The following DOCK4 variants were observed in gnomAD, a reference collection of about 807,000 sequenced individuals.
DOCK4 encodes dedicator of cytokinesis protein 4.
In DOCK4, 97 loss-of-function variants were observed where a neutral mutation model predicts 268.1. The ratio of observed to expected loss-of-function variants is 0.36; its 90% CI spans 0.31 to 0.43. The LOEUF (loss-of-function observed/expected upper bound fraction) is 0.43. Ranked by LOEUF, DOCK4 falls within the 20% of genes least tolerant of loss-of-function variation. The pLI, the probability that DOCK4 is intolerant of heterozygous loss-of-function variation, is 1.00. For missense variants in DOCK4, 2,145 were observed against 2,455.7 expected, an observed-to-expected ratio of 0.87 and a Z score of 2.67; for synonymous variants, 954 against 887.2, an observed-to-expected ratio of 1.08 and a Z score of -1.34.
At chr7:112,064,447 A>C (rs1207507984) in intron 1 of DOCK4, among the ~76,000 whole-genome samples, 3 of 152,168 alleles carry the variant, frequency 2.0e-5, no homozygotes, top group Non-Finnish European at 2.9e-5. Context: ...GGAGCAAAAA[A>C]TTTATAAGCC....
At chr7:111,898,702 T>C (rs936462251) in intron 15 of DOCK4, among the ~76,000 whole-genome samples, 4 of 152,216 alleles carry the variant, frequency 2.6e-5, no homozygotes, top group Non-Finnish European at 5.9e-5. Flanking sequence ...AATGATTGCA[T>C]TGGTTATTCA....
intron 8 of DOCK4, among the ~76,000 whole-genome samples, chr7:111,974,875 G>C (rs1477668019): frequency 6.6e-6 from 1 of 152,196 alleles, no homozygotes; most frequent in Non-Finnish European, 1.5e-5. Flanking sequence ...TTTATAATGA[G>C]ATGATATTTA....
chr7:111,845,473 G>C (rs1418375594), intron 24 of DOCK4, among the ~76,000 whole-genome samples: 1 of 152,152 alleles, frequency 6.6e-6, no homozygotes, highest in African/African-American at 2.4e-5. Context: ...CTGCTTTCCT[G>C]ATGCAAAGTT....
intron 25 of DOCK4, among the ~76,000 whole-genome samples, chr7:111,844,290 A>C (rs1198101490): frequency 1.3e-5 from 2 of 152,178 alleles, no homozygotes; most frequent in Non-Finnish European, 2.9e-5. Flanking sequence ...AAAGAAAAAA[A>C]ACTTTGCCAA....
intron 32 of DOCK4, among the ~76,000 whole-genome samples, chr7:111,785,163 T>G (rs371639497): frequency 6.6e-6 from 1 of 152,208 alleles, no homozygotes; most frequent in East Asian, 1.9e-4. Flanking sequence ...CTAAACTGTT[T>G]CTTAGGTTAA....
intron 1 of DOCK4, among the ~76,000 whole-genome samples, chr7:112,130,142 G>T (rs546966034): frequency 6.6e-6 from 1 of 152,160 alleles, no homozygotes; most frequent in African/African-American, 2.4e-5. Flanking sequence ...TGGCAAACCT[G>T]GAAGGAAAGA....
chr7:112,097,785 G>A (rs1248751976), intron 1 of DOCK4, among the ~76,000 whole-genome samples: 1 of 152,194 alleles, frequency 6.6e-6, no homozygotes, highest in Non-Finnish European at 1.5e-5. Flanking sequence ...ACCCTGAGAT[G>A]CAGGAGATAA....
chr7:111,869,735 A>C (rs962341543), intron 20 of DOCK4, 80 bp from the exon 21 acceptor site: 3 of 1,176,884 alleles, frequency 2.5e-6, no homozygotes, highest in Non-Finnish European at 1.2e-6. Context: ...ACTCTTAACT[A>C]TATCATGAGG....
rs1806253136 is a variant in DOCK4, at chr7:111,869,637, G to A, written c.2046C>T (p.Leu682=). Reference sequence around the variant, plus strand: ...CTGTGATCCGGTCCACGTACCATTTGAGCACTTTGATGAGATCTCTAAAAT... The same window carrying A: ...CTGTGATCCGGTCCACGTACCATTTAAGCACTTTGATGAGATCTCTAAAAT... The part of the protein sequence containing the change: ...ALAYRDLIKV[L]KWYVDRITEA... The change falls in exon 21 of 53, where the codon CTC becomes CTT. Residue 682 remains leucine, a synonymous_variant. Transcript: ENST00000428084. 1 of 1,613,302 alleles carries A rather than the reference G, an allele frequency of 6.2e-7. No homozygotes were observed. The highest frequency in any genetic ancestry group is 8.5e-7 in the Non-Finnish European group (1 of 1,179,386).
chr7:111,883,512 T>A (rs938972186), intron 16 of DOCK4, among the ~76,000 whole-genome samples: 5 of 152,100 alleles, frequency 3.3e-5, no homozygotes, highest in African/African-American at 1.2e-4. Context: ...TGTAAACATA[T>A]CTCTTATTAA....
At chr7:112,165,352 T>C (rs1817496081) in intron 1 of DOCK4, among the ~76,000 whole-genome samples, 1 of 133,920 alleles carries the variant, frequency 7.5e-6, no homozygotes, top group East Asian at 2.0e-4. Context: ...TATCTATCTA[T>C]CTTTCCATGC....
At chr7:111,945,675 A>G (rs1249293166) in intron 9 of DOCK4, 42 bp downstream of exon 9, 1 of 1,488,736 alleles carries the variant, frequency 6.7e-7, no homozygotes, top group Admixed American at 2.0e-5. Context: ...ATGAATCATA[A>G]CTGGATGAAT....
At chr7:111,941,295 C>G (rs1305831624) in intron 10 of DOCK4, among the ~76,000 whole-genome samples, 2 of 152,158 alleles carry the variant, frequency 1.3e-5, no homozygotes, top group African/African-American at 4.8e-5. Context: ...CCAAATTTCA[C>G]TCTACATAAT....
At chr7:112,196,726 A>G (rs902560625) in intron 1 of DOCK4, among the ~76,000 whole-genome samples, 2 of 152,130 alleles carry the variant, frequency 1.3e-5, no homozygotes, top group Admixed American at 1.3e-4. Flanking sequence ...AGCCAAAAGA[A>G]GCCACCAATA....
chr7:112,098,247 T>C (rs1810333020), intron 1 of DOCK4, among the ~76,000 whole-genome samples: 1 of 152,072 alleles, frequency 6.6e-6, no homozygotes, highest in African/African-American at 2.4e-5. Flanking sequence ...GGTGCGATCT[T>C]GGTTCACTGC....
intron 3 of DOCK4, among the ~76,000 whole-genome samples, chr7:111,999,912 A>T (rs1232848483): frequency 2.6e-5 from 4 of 152,100 alleles, no homozygotes; most frequent in African/African-American, 9.6e-5. Context: ...CTATACAAAT[A>T]AAAGATAAAA....
chr7:112,034,519 ACC>A (rs1280898785), intron 1 of DOCK4, among the ~76,000 whole-genome samples: 1 of 152,226 alleles, frequency 6.6e-6, no homozygotes, highest in Admixed American at 6.5e-5. Flanking sequence ...GTACGAAGGC[ACC>A]CTGACCACAT....
chr7:111,744,931 A>C (rs1796167075), intron 44 of DOCK4, among the ~76,000 whole-genome samples: 1 of 152,214 alleles, frequency 6.6e-6, no homozygotes, highest in Non-Finnish European at 1.5e-5. Context: ...TCATTTTCTA[A>C]TCCAAAGAGC....
chr7:111,906,530 G>A (rs1028903765), intron 13 of DOCK4, among the ~76,000 whole-genome samples: 7 of 152,136 alleles, frequency 4.6e-5, no homozygotes, highest in Non-Finnish European at 8.8e-5. Context: ...ACACATGGGT[G>A]GGCTGGGTGG....
Sources: gnomAD v4.1 joint callset for allele counts (sites outside exome capture counted in the v4.1 genomes callset) on GRCh38, gnomAD v4.1.1 for gene constraint, MANE v1.5 for transcripts, NCBI Gene and HGNC (gene_info 2026-07-23, HGNC 2026-07-21) for gene names.